Variants in SYNPR observed in about 807,000 individuals in gnomAD.
The protein encoded by SYNPR is synaptoporin.
A neutral mutation model predicts 32.9 loss-of-function variants in SYNPR; 23 were observed. The ratio of observed to expected loss-of-function variants is 0.70; its 90% CI spans 0.50 to 0.99. The LOEUF is 0.99. Ranked by LOEUF, SYNPR falls within the 50% of genes least tolerant of loss-of-function variation. The probability of loss-of-function intolerance (pLI) is 0.00; values close to 1 mark genes in which losing one functional copy is unlikely to be tolerated. For missense variants in SYNPR, 318 were observed against 349.3 expected (o/e 0.91, Z 0.71); for synonymous variants, 146 against 135.9 (o/e 1.07, Z -0.52).
chr3:63,255,981 C>T (rs1575577465), intron 2 of SYNPR, among the ~76,000 whole-genome samples: 1 of 152,204 alleles, frequency 6.6e-6, no homozygotes, highest in African/African-American at 2.4e-5. Context: ...GCTAGCACAG[C>T]AGTCTGAGAT....
chr3:63,479,776 G>A (rs1246710323), intron 2 of SYNPR, among the ~76,000 whole-genome samples: 1 of 152,086 alleles, frequency 6.6e-6, no homozygotes, highest in Non-Finnish European at 1.5e-5. Flanking sequence ...ATTTTTCAGT[G>A]AGGAAATCAA....
At chr3:63,482,164 T>G (rs747186962) in intron 3 of SYNPR, among the ~76,000 whole-genome samples, 1 of 152,114 alleles carries the variant, frequency 6.6e-6, no homozygotes, top group Non-Finnish European at 1.5e-5. Flanking sequence ...GGATACAATG[T>G]GAGAAGACAC....
chr3:63,231,716 C>G (rs368575702), intron 1 of SYNPR, among the ~76,000 whole-genome samples: 2 of 152,174 alleles, frequency 1.3e-5, no homozygotes, highest in Non-Finnish European at 1.5e-5. Flanking sequence ...TAGCAGCACT[C>G]GAAGGAGAGA....
intron 4 of SYNPR, among the ~76,000 whole-genome samples, chr3:63,607,671 A>C (rs550256175): frequency 6.6e-6 from 1 of 152,366 alleles, no homozygotes; most frequent in East Asian, 1.9e-4. Flanking sequence ...GCCAACATGA[A>C]AAAAGGTAAA....
At chr3:63,319,023 C>T (rs1248660214) in intron 2 of SYNPR, among the ~76,000 whole-genome samples, 1 of 152,032 alleles carries the variant, frequency 6.6e-6, no homozygotes, top group Non-Finnish European at 1.5e-5. Context: ...TGATTGTTGT[C>T]TCTCTTCTGG....
chr3:63,462,243 G>A (rs1700597009), intron 2 of SYNPR, among the ~76,000 whole-genome samples: 4 of 152,028 alleles, frequency 2.6e-5, no homozygotes, highest in African/African-American at 7.2e-5. Context: ...CCTTATCTGA[G>A]AAGACCCCAC....
At chr3:63,262,329 T>G (rs2086446207) in intron 2 of SYNPR, among the ~76,000 whole-genome samples, 2 of 152,188 alleles carry the variant, frequency 1.3e-5, no homozygotes, top group African/African-American at 4.8e-5. Flanking sequence ...GGTTGGTTGG[T>G]CATGCAAGGC....
intron 3 of SYNPR, among the ~76,000 whole-genome samples, chr3:63,494,098 T>A (rs930299657): frequency 2.0e-5 from 3 of 151,664 alleles, no homozygotes; most frequent in Admixed American, 2.0e-4. Flanking sequence ...CTTAACACAA[T>A]AAAAAATTTT....
chr3:63,263,120 G>T (rs1392192889), intron 2 of SYNPR, among the ~76,000 whole-genome samples: 1 of 152,174 alleles, frequency 6.6e-6, no homozygotes, highest in East Asian at 1.9e-4. Flanking sequence ...ATGGGAACAC[G>T]GACTTAGTTT....
intron 2 of SYNPR, among the ~76,000 whole-genome samples, chr3:63,370,071 G>C (rs1194048825): frequency 2.0e-5 from 3 of 152,156 alleles, no homozygotes; most frequent in Non-Finnish European, 2.9e-5. Flanking sequence ...CTCTGTCCTT[G>C]TAGATAATCC....
At chr3:63,499,293 T>C (rs1701433947) in intron 3 of SYNPR, among the ~76,000 whole-genome samples, 2 of 151,108 alleles carry the variant, frequency 1.3e-5, no homozygotes, top group African/African-American at 4.9e-5. Context: ...TGGTGGGAGG[T>C]TGGTGGGATA....
chr3:63,472,592 T>C (rs554686395), intron 2 of SYNPR, among the ~76,000 whole-genome samples: 4 of 152,266 alleles, frequency 2.6e-5, no homozygotes, highest in Non-Finnish European at 4.4e-5. Flanking sequence ...GCTTACTCAA[T>C]AAAATTTGTG....
intron 1 of SYNPR, among the ~76,000 whole-genome samples, chr3:63,232,078 G>A (rs72876385): frequency 9.6e-4 from 146 of 152,010 alleles, no homozygotes; most frequent in African/African-American, 3.4e-3. Context: ...AAAAAGCACA[G>A]GAGATATGAG....
intron 3 of SYNPR, among the ~76,000 whole-genome samples, chr3:63,521,550 C>A (rs1701914042): frequency 6.6e-6 from 1 of 152,128 alleles, no homozygotes; most frequent in Admixed American, 6.6e-5. Flanking sequence ...AACAGAAGCA[C>A]AAATTACACC....
chr3:63,360,164 A>G (rs1461479199), intron 2 of SYNPR, among the ~76,000 whole-genome samples: 1 of 152,158 alleles, frequency 6.6e-6, no homozygotes, highest in Non-Finnish European at 1.5e-5. Context: ...AGCAGCCTCT[A>G]TTCTTGTAAA....
intron 2 of SYNPR, among the ~76,000 whole-genome samples, chr3:63,389,506 G>T (rs1159780344): frequency 1.3e-5 from 2 of 152,128 alleles, no homozygotes; most frequent in Non-Finnish European, 1.5e-5. Context: ...GATACTCTTT[G>T]GTTTTTATTG....
chr3:63,364,912 G>A (rs1264213289), intron 2 of SYNPR, among the ~76,000 whole-genome samples: 2 of 152,160 alleles, frequency 1.3e-5, no homozygotes, highest in East Asian at 1.9e-4. Context: ...GAATATCCTC[G>A]GTGGCTGAAA....
Position 63,550,677 on chromosome 3 carries a change from C to T in SYNPR, c.210-5866C>T, listed in dbSNP as rs115775690. ...AGTTTGTGCATGTCAGCTGAAGGAA[C>T]AGGTGCATTGGAGACATGCTGATCC... is the stretch of plus-strand genomic sequence containing the variant. On this transcript the variant is annotated intron_variant, in intron 3 of 5. Transcript: ENST00000478300. Among the ~76,000 whole-genome samples the T allele has an allele frequency of 3.0e-3, 451 of 152,324 alleles. 3 individuals are homozygous for T. Among genetic ancestry groups the T allele is most frequent in the African/African-American group, 0.011 (440 of 41,586 alleles).
At chr3:63,202,907 A>G in the SYNPR span, among the ~76,000 whole-genome samples, 1 of 151,956 alleles carries the variant, frequency 6.6e-6, no homozygotes, top group Non-Finnish European at 1.5e-5. Context: ...ACAGTTTGGG[A>G]AACTTTGTTT....
Sources: allele counts gnomAD v4.1 joint callset (sites outside exome capture counted in the v4.1 genomes callset), GRCh38; gene constraint gnomAD v4.1.1; transcripts MANE v1.5; gene names NCBI Gene and HGNC (gene_info 2026-07-23, HGNC 2026-07-21).